GDA: variants seen among roughly 807,000 people sequenced by gnomAD.
GDA encodes cytoplasmic PSD-95 interactor.
In GDA, 18 loss-of-function variants were observed where a neutral mutation model predicts 59.6. The ratio of observed to expected loss-of-function variants is 0.30; its 90% CI spans 0.21 to 0.45. The LOEUF is 0.45. Ranked by LOEUF, GDA falls within the 20% of genes least tolerant of loss-of-function variation. The pLI, the probability that GDA is intolerant of heterozygous loss-of-function variation, is 1.00. For synonymous variants in GDA, 201 were observed against 201.1 expected (o/e 1.00, Z 0.00); for missense variants, 427 against 552.3 (o/e 0.77, Z 2.27).
Position 72,251,310 on chromosome 9 carries a change from C to T in GDA, c.*2968C>T, listed in dbSNP as rs1161013873. On this transcript the variant is annotated 3_prime_UTR_variant, in exon 14 of 14. Transcript: ENST00000358399. ...ATAACCGGTGTGAGATCTAGCAATGCATTTTGAATCTTCACTCCCTACCAG... is the reference window on the plus strand; with the variant it reads ...ATAACCGGTGTGAGATCTAGCAATGTATTTTGAATCTTCACTCCCTACCAG... 6.3e-6 allele frequency: 1 copy of T among 157,580 alleles called. No homozygotes were observed. The highest frequency in any genetic ancestry group is 2.4e-5 in the African/African-American group (1 of 41,464). The allele number at this position is 157,580 out of a possible 1,614,324, so 9.8% of individuals were successfully genotyped here.
chr9:72,163,298 T>A (rs1484306881), intron 1 of GDA, among the ~76,000 whole-genome samples: 1 of 152,054 alleles, frequency 6.6e-6, no homozygotes, highest in East Asian at 1.9e-4. Context: ...AACATTTTAT[T>A]TGGGAAGAAA....
intron 1 of GDA, among the ~76,000 whole-genome samples, chr9:72,115,048 T>C (rs1199259655): frequency 6.6e-6 from 1 of 152,190 alleles, no homozygotes; most frequent in African/African-American, 2.4e-5. Context: ...TAGGAGTTTG[T>C]GTATGATCTA....
intron 3 of GDA, among the ~76,000 whole-genome samples, chr9:72,203,888 C>T (rs1043391072): frequency 2.6e-5 from 4 of 151,910 alleles, no homozygotes; most frequent in African/African-American, 9.7e-5. Context: ...ATGATCTCGG[C>T]TCACTGCAAC....
intron 6 of GDA, 143 bp from the exon 7 acceptor site, chr9:72,222,977 G>T: frequency 2.0e-6 from 1 of 503,216 alleles, no homozygotes; most frequent in Non-Finnish European, 3.5e-6. Context: ...CAAAGTGCTG[G>T]GATTACAGGT....
chr9:72,175,810 A>G (rs570931095), intron 1 of GDA, among the ~76,000 whole-genome samples: 1 of 152,358 alleles, frequency 6.6e-6, no homozygotes, highest in Admixed American at 6.5e-5. Context: ...AATAGGAACT[A>G]GTTTTTGGAA....
intron 3 of GDA, among the ~76,000 whole-genome samples, chr9:72,208,940 G>A (rs61590098): frequency 2.0e-5 from 3 of 151,826 alleles, no homozygotes; most frequent in Admixed American, 6.6e-5. Flanking sequence ...ATAATAGAGC[G>A]TTTTCTATTT....
At chr9:72,149,919 G>A (rs1189198530) in intron 1 of GDA, among the ~76,000 whole-genome samples, 1 of 152,204 alleles carries the variant, frequency 6.6e-6, no homozygotes, top group African/African-American at 2.4e-5. Context: ...GCCACAACTG[G>A]CTCGACAGCA....
At chr9:72,236,316 C>A (rs754072854) in intron 10 of GDA, among the ~76,000 whole-genome samples, 1 of 152,162 alleles carries the variant, frequency 6.6e-6, no homozygotes, top group Non-Finnish European at 1.5e-5. Context: ...AATGGCCCAC[C>A]GCTTGGGGAT....
intron 1 of GDA, among the ~76,000 whole-genome samples, chr9:72,123,619 T>C (rs893529161): frequency 4.0e-5 from 6 of 151,530 alleles, no homozygotes; most frequent in Admixed American, 2.0e-4. Flanking sequence ...TCCCGAGTAG[T>C]TGGGAATACA....
intron 1 of GDA, chr9:72,194,113 C>G (rs62561982): frequency 3.9e-5 from 6 of 152,204 alleles, no homozygotes; most frequent in Admixed American, 3.3e-4. Flanking sequence ...ACTCCAGGAG[C>G]CTGCTTGATG....
At chr9:72,229,855 G>A in intron 9 of GDA, among the ~76,000 whole-genome samples, 1 of 152,182 alleles carries the variant, frequency 6.6e-6, no homozygotes, top group Non-Finnish European at 1.5e-5. Context: ...TGAGTTTTCA[G>A]ACTTAAAGGA....
At chr9:72,202,137 G>T (rs1347304580) in intron 2 of GDA, among the ~76,000 whole-genome samples, 1 of 152,192 alleles carries the variant, frequency 6.6e-6, no homozygotes, top group African/African-American at 2.4e-5. Flanking sequence ...CTCACCTTTA[G>T]TTGCCCTTAG....
At chr9:72,220,778 T>A (rs1490257373) in intron 6 of GDA, among the ~76,000 whole-genome samples, 1 of 152,144 alleles carries the variant, frequency 6.6e-6, no homozygotes, top group African/African-American at 2.4e-5. Flanking sequence ...ACAGGCAGTG[T>A]CTAGTCCTAT....
intron 1 of GDA, among the ~76,000 whole-genome samples, chr9:72,169,547 C>G (rs893838185): frequency 1.3e-5 from 2 of 152,200 alleles, no homozygotes; most frequent in Admixed American, 6.5e-5. Context: ...TGCATGCTTT[C>G]TCCATGTCCA....
intron 11 of GDA, among the ~76,000 whole-genome samples, chr9:72,243,273 A>C (rs1244585082): frequency 6.6e-6 from 1 of 152,206 alleles, no homozygotes; most frequent in Non-Finnish European, 1.5e-5. Flanking sequence ...AATTTATATC[A>C]GTTTACAAAT....
chr9:72,118,296 A>G (rs78400193), intron 1 of GDA, among the ~76,000 whole-genome samples: 1 of 148,934 alleles, frequency 6.7e-6, no homozygotes, highest in South Asian at 2.2e-4. Flanking sequence ...AAAAAAAAAA[A>G]AGAATGTAAA....
intron 1 of GDA, among the ~76,000 whole-genome samples, chr9:72,133,413 T>C (rs1826108172): frequency 6.6e-6 from 1 of 151,904 alleles, no homozygotes; most frequent in Admixed American, 6.6e-5. Flanking sequence ...TTCTAGCAGG[T>C]CAGCTATTTT....
intron 1 of GDA, among the ~76,000 whole-genome samples, chr9:72,188,718 G>A (rs1020853593): frequency 6.6e-6 from 1 of 152,004 alleles, no homozygotes; most frequent in Admixed American, 6.6e-5. Flanking sequence ...CCTCACTGGG[G>A]TAATGCCTAG....
chr9:72,236,546 G>C (rs747524398), intron 10 of GDA, among the ~76,000 whole-genome samples: 5 of 152,026 alleles, frequency 3.3e-5, no homozygotes, highest in Non-Finnish European at 5.9e-5. Flanking sequence ...TCTTTGCCCT[G>C]TTGCAGCAAA....
Sources: allele counts gnomAD v4.1 joint callset (sites outside exome capture counted in the v4.1 genomes callset), GRCh38; gene constraint gnomAD v4.1.1; transcripts MANE v1.5; gene names NCBI Gene and HGNC (gene_info 2026-07-23, HGNC 2026-07-21).